RBFOX1: variants seen among roughly 807,000 people sequenced by gnomAD.
RBFOX1 encodes RNA binding protein fox-1 homolog 1.
A neutral mutation model predicts 57.7 loss-of-function variants in RBFOX1; 8 were observed. The ratio of observed to expected loss-of-function variants is 0.14; its 90% CI spans 0.08 to 0.25. RBFOX1 has a LOEUF of 0.25. Among genes scored for constraint, RBFOX1 ranks in the 10% least tolerant of loss-of-function variants. RBFOX1 has a pLI of 1.00. For synonymous variants in RBFOX1, 326 were observed against 222.4 expected (o/e 1.47, Z -4.15); for missense variants, 611 against 548.5 (o/e 1.11, Z -1.14).
chr16:6,987,689 A>G (rs565567064), intron 3 of RBFOX1, among the ~76,000 whole-genome samples: 6 of 152,314 alleles, frequency 3.9e-5, no homozygotes, highest in African/African-American at 1.4e-4. Context: ...AGAAGTGTGA[A>G]CTTGGAAATA....
At chr16:6,938,571 C>T (rs1005847101) in intron 3 of RBFOX1, among the ~76,000 whole-genome samples, 4 of 143,400 alleles carry the variant, frequency 2.8e-5, no homozygotes, top group African/African-American at 1.1e-4. Context: ...TGTATTTTTT[C>T]TCTTCATTTT....
At chr16:7,479,280 C>T (rs1424568121) in intron 4 of RBFOX1, among the ~76,000 whole-genome samples, 1 of 151,954 alleles carries the variant, frequency 6.6e-6, no homozygotes, top group Non-Finnish European at 1.5e-5. Context: ...TGCACCACCA[C>T]ACTGGCTAAT....
intron 3 of RBFOX1, among the ~76,000 whole-genome samples, chr16:6,819,981 C>G (rs987797173): frequency 1.1e-4 from 16 of 152,126 alleles, no homozygotes; most frequent in African/African-American, 9.7e-5. Context: ...TGTCCCCACC[C>G]AAATCACATC....
chr16:5,425,572 C>G (rs901271935), intron 1 of RBFOX1, among the ~76,000 whole-genome samples: 3 of 152,206 alleles, frequency 2.0e-5, no homozygotes, highest in African/African-American at 4.8e-5. Flanking sequence ...TGTGACTCCC[C>G]TCCTTTCTTG....
chr16:6,558,652 A>T (rs1410924801), intron 2 of RBFOX1, among the ~76,000 whole-genome samples: 1 of 152,144 alleles, frequency 6.6e-6, no homozygotes, highest in African/African-American at 2.4e-5. Flanking sequence ...CCTTATAACC[A>T]AAGATGGCTA....
chr16:7,073,688 TA>T (rs200015045), intron 4 of RBFOX1, among the ~76,000 whole-genome samples: 5 of 149,864 alleles, frequency 3.3e-5, no homozygotes, highest in South Asian at 4.2e-4. Flanking sequence ...TACAAAATAA[TA>T]AAAAAAAATA....
intron 2 of RBFOX1, among the ~76,000 whole-genome samples, chr16:6,418,280 G>T (rs894317044): frequency 6.6e-6 from 1 of 152,290 alleles, no homozygotes; most frequent in African/African-American, 2.4e-5. Flanking sequence ...TCTAGGAGGT[G>T]TGTCCTTTAA....
intron 2 of RBFOX1, among the ~76,000 whole-genome samples, chr16:6,543,702 G>A (rs1282053895): frequency 6.6e-6 from 1 of 152,104 alleles, no homozygotes; most frequent in South Asian, 2.1e-4. Flanking sequence ...ACGGGATTAT[G>A]TGGAAGTCTT....
At chr16:7,369,674 T>C (rs2097532565) in intron 4 of RBFOX1, among the ~76,000 whole-genome samples, 1 of 152,194 alleles carries the variant, frequency 6.6e-6, no homozygotes, top group African/African-American at 2.4e-5. Flanking sequence ...AGTTTATTCC[T>C]GGGAGGATGG....
rs34858401 is a variant in RBFOX1 at position 5,567,635 on chromosome 16, CAA to C, written c.259-31245_259-31244del. Among the ~76,000 whole-genome samples, 170 of 63,132 alleles carry C rather than the reference CAA, an allele frequency of 2.7e-3. 1 individual carries two copies. The highest frequency in any genetic ancestry group is 3.2e-3 in the Non-Finnish European group (118 of 37,244). The allele number at this position is 63,132 out of a possible 152,430, so 41.4% of individuals were successfully genotyped here. On this transcript the variant is annotated intron_variant, in intron 2 of 2. Transcript: ENST00000585867. ...AGTGGGGGGGTATTCAGGTTATAGG[CAA>C]AAAAAAAAAAAAAAAAAAAAAGCCT...
chr16:6,708,082 A>G (rs888236438), intron 3 of RBFOX1, among the ~76,000 whole-genome samples: 6 of 152,136 alleles, frequency 3.9e-5, no homozygotes, highest in Non-Finnish European at 1.5e-5. Flanking sequence ...ATGGTAGTAG[A>G]AGAAGCCACA....
intron 4 of RBFOX1, among the ~76,000 whole-genome samples, chr16:7,102,761 G>T (rs189736411): frequency 5.6e-4 from 85 of 152,244 alleles, no homozygotes; most frequent in African/African-American, 2.0e-3. Flanking sequence ...CTTTTACTAA[G>T]AATGAAGTAT....
intron 7 of RBFOX1, among the ~76,000 whole-genome samples, chr16:7,591,731 G>C (rs988698249): frequency 3.3e-5 from 5 of 152,268 alleles, no homozygotes; most frequent in East Asian, 1.9e-4. Context: ...TTACACATCA[G>C]CATCACACCC....
At chr16:5,268,488 C>A (rs1206496256) in intron 1 of RBFOX1, among the ~76,000 whole-genome samples, 6 of 152,012 alleles carry the variant, frequency 3.9e-5, no homozygotes, top group Non-Finnish European at 8.8e-5. Flanking sequence ...CGTGCAAATC[C>A]CCTCATCATT....
At chr16:5,911,913 C>T (rs574950749) in intron 4 of RBFOX1, among the ~76,000 whole-genome samples, 24 of 152,238 alleles carry the variant, frequency 1.6e-4, no homozygotes, top group Admixed American at 1.0e-3. Context: ...CTTGGGGATT[C>T]GGATTTCAGT....
chr16:6,247,874 A>G (rs2097577985), intron 1 of RBFOX1, among the ~76,000 whole-genome samples: 2 of 152,224 alleles, frequency 1.3e-5, no homozygotes, highest in Non-Finnish European at 2.9e-5. Context: ...AGCAGTGGCC[A>G]CATTGTCATA....
chr16:5,704,803 G>C (rs909735886), intron 3 of RBFOX1, among the ~76,000 whole-genome samples: 8 of 152,202 alleles, frequency 5.3e-5, no homozygotes, highest in African/African-American at 1.9e-4. Context: ...GACAGGGTGA[G>C]TTGGCCAGTG....
At chr16:5,283,455 G>T (rs1397937673) in intron 1 of RBFOX1, among the ~76,000 whole-genome samples, 1 of 152,084 alleles carries the variant, frequency 6.6e-6, no homozygotes, top group Non-Finnish European at 1.5e-5. Flanking sequence ...AGTGAAAGGA[G>T]CCCCTCCTTT....
At chr16:5,681,079 A>G (rs2050317991) in intron 3 of RBFOX1, among the ~76,000 whole-genome samples, 1 of 151,644 alleles carries the variant, frequency 6.6e-6, no homozygotes, top group Non-Finnish European at 1.5e-5. Flanking sequence ...GGTAATATAT[A>G]TATATATATT....
Sources: allele counts gnomAD v4.1 joint callset (sites outside exome capture counted in the v4.1 genomes callset), GRCh38; gene constraint gnomAD v4.1.1; transcripts MANE v1.5; gene names NCBI Gene and HGNC (gene_info 2026-07-23, HGNC 2026-07-21).